SYTL2: variants seen among roughly 807,000 people sequenced by gnomAD.
SYTL2 encodes the protein synaptotagmin-like protein 2.
A neutral mutation model predicts 198.7 loss-of-function variants in SYTL2; 165 were observed. The ratio of observed to expected loss-of-function variants is 0.83; its 90% CI spans 0.73 to 0.94. The LOEUF is 0.94. Among genes scored for constraint, SYTL2 ranks in the 40% least tolerant of loss-of-function variants. SYTL2 has a pLI of 0.00. For missense variants in SYTL2, 2,835 were observed against 2,582.8 expected (o/e 1.10, Z -2.12); for synonymous variants, 966 against 917.7 (o/e 1.05, Z -0.95).
At position 85,695,035 on chromosome 11, in the gene SYTL2, G is replaced by C; in HGVS notation, c.*160C>G. ...GTTATATTTAAATCCCTTGGGCCTT[G>C]TAATCAAAGAAGCACATGCAGATTG... On this transcript the variant is annotated 3_prime_UTR_variant, in exon 20 of 20. Transcript: ENST00000359152. 1.7e-6 allele frequency: 1 copy of C among 580,884 alleles called. No homozygotes were observed. Among genetic ancestry groups the C allele is most frequent in the African/African-American group, 1.9e-5 (1 of 53,682 alleles). The allele number at this position is 580,884 out of a possible 1,614,324, so 36.0% of individuals were successfully genotyped here.
the SYTL2 span, among the ~76,000 whole-genome samples, chr11:85,847,128 A>C: frequency 6.6e-6 from 1 of 152,338 alleles, no homozygotes; most frequent in Admixed American, 6.5e-5. Flanking sequence ...GGTTTTAACA[A>C]ATCTATACAC....
chr11:85,817,902 C>CTTTTTTTTTTTTT, the SYTL2 span, among the ~76,000 whole-genome samples: 1 of 109,912 alleles, frequency 9.1e-6, no homozygotes, highest in East Asian at 2.6e-4. Context: ...TGTGTCTTTT[C>CTTTTTTTTTTTTT]TTTTTTTTTT....
chr11:85,823,729 C>G, the SYTL2 span, among the ~76,000 whole-genome samples: 1 of 152,112 alleles, frequency 6.6e-6, no homozygotes, highest in Non-Finnish European at 1.5e-5. Flanking sequence ...ACCACAAGAC[C>G]TTTTATACTT....
upstream of SYTL2, among the ~76,000 whole-genome samples, chr11:85,814,774 C>G (rs943682584): frequency 6.6e-6 from 1 of 152,170 alleles, no homozygotes; most frequent in Non-Finnish European, 1.5e-5. Flanking sequence ...GTAGCATAAG[C>G]TAGGTGTGGT....
At position 85,780,694 on chromosome 11, in the gene SYTL2, T is replaced by C. The variant is rs539465289; in HGVS notation, c.-389-22580A>G. Among the ~76,000 whole-genome samples the C allele has an allele frequency of 2.0e-5, 3 of 152,356 alleles. 1 individual carries two copies. In the South Asian group the frequency reaches 6.2e-4, roughly 32 times the overall value. ...TCCATATCCTTTGCAATATCCTTTA[T>C]AATAAACTGGTAAATACAAGTAAAG... On this transcript the variant is annotated intron_variant, in intron 1 of 19. Transcript: ENST00000359152.
At chr11:85,805,749 C>T (rs1311400077) in intron 1 of SYTL2, among the ~76,000 whole-genome samples, 1 of 152,232 alleles carries the variant, frequency 6.6e-6, no homozygotes, top group African/African-American at 2.4e-5. Context: ...CAGAAATCAA[C>T]TGATACCTTT....
intron 2 of SYTL2, among the ~76,000 whole-genome samples, chr11:85,749,018 A>G (rs923564699): frequency 6.6e-6 from 1 of 152,156 alleles, no homozygotes; most frequent in Non-Finnish European, 1.5e-5. Flanking sequence ...AGGGAAAGGC[A>G]TCTTTAAAAG....
At chr11:85,764,180 T>A (rs946467210) in intron 1 of SYTL2, among the ~76,000 whole-genome samples, 1 of 152,208 alleles carries the variant, frequency 6.6e-6, no homozygotes, top group African/African-American at 2.4e-5. Context: ...ACAAAAAAGA[T>A]GTCATGCTCT....
the SYTL2 span, among the ~76,000 whole-genome samples, chr11:85,851,384 G>A: frequency 7.2e-5 from 11 of 152,130 alleles, no homozygotes; most frequent in African/African-American, 9.7e-5. Context: ...TTCCTAGTTC[G>A]GGTCTTTACA....
the SYTL2 span, among the ~76,000 whole-genome samples, chr11:85,826,540 G>A: frequency 8.5e-5 from 13 of 152,336 alleles, no homozygotes; most frequent in East Asian, 2.3e-3. Context: ...TCAAGTCCAG[G>A]GGAGTCAGGT....
At chr11:85,807,708 T>G (rs1337586994) in intron 1 of SYTL2, among the ~76,000 whole-genome samples, 2 of 152,186 alleles carry the variant, frequency 1.3e-5, no homozygotes. Context: ...CTACCTTTTC[T>G]GTTATATTTG....
the SYTL2 span, among the ~76,000 whole-genome samples, chr11:85,823,075 C>T: frequency 6.6e-6 from 1 of 152,242 alleles, no homozygotes; most frequent in East Asian, 1.9e-4. Flanking sequence ...TCCCAGCCTC[C>T]TCCCTCTTGC....
chr11:85,696,127 C>G, intron 19 of SYTL2, 56 bp downstream of exon 19: 1 of 1,446,192 alleles, frequency 6.9e-7, no homozygotes, highest in Admixed American at 1.7e-5. Flanking sequence ...AAACAAACCT[C>G]TAGTATCTCT....
intron 3 of SYTL2, among the ~76,000 whole-genome samples, chr11:85,746,979 T>G (rs965656677): frequency 6.6e-6 from 1 of 152,152 alleles, no homozygotes; most frequent in African/African-American, 2.4e-5. Context: ...ACTGCAACAA[T>G]TAGAAATAAT....
the SYTL2 span, among the ~76,000 whole-genome samples, chr11:85,850,920 G>A: frequency 1.2e-4 from 18 of 147,576 alleles, no homozygotes; most frequent in South Asian, 4.4e-4. Context: ...GTAAACTATC[G>A]CAAGAACAAA....
chr11:85,705,858 T>C (rs2085053030), intron 15 of SYTL2, among the ~76,000 whole-genome samples: 1 of 152,182 alleles, frequency 6.6e-6, no homozygotes, highest in African/African-American at 2.4e-5. Context: ...GGGTATATCA[T>C]AGTCAAACTG....
In SYTL2 at chr11:85,718,963, G is replaced by A. The variant is rs1368066464; in HGVS notation, c.5429-120C>T. ...AATTAGTCAAGATGCAATGAGGGGTGCAACCAAGATGTCTTCCCCAAAATA... is the reference window on the plus strand; with the variant it reads ...AATTAGTCAAGATGCAATGAGGGGTACAACCAAGATGTCTTCCCCAAAATA... On this transcript the variant is annotated intron_variant, in intron 9 of 19. Coordinates refer to ENST00000359152, the MANE Select transcript of SYTL2 (RefSeq NM_206927.4). The A allele has an allele frequency of 3.9e-6, 6 of 1,541,490 alleles. No individual in the cohort carries two copies. The South Asian group carries it at 4.8e-5, about 12-fold the overall frequency.
chr11:85,844,229 A>G, the SYTL2 span, among the ~76,000 whole-genome samples: 1 of 152,206 alleles, frequency 6.6e-6, no homozygotes, highest in South Asian at 2.1e-4. Context: ...ATTTACATAG[A>G]ATAAGAAAGT....
chr11:85,816,767 A>T, the SYTL2 span, among the ~76,000 whole-genome samples: 1 of 152,156 alleles, frequency 6.6e-6, no homozygotes, highest in African/African-American at 2.4e-5. Context: ...AATAAAAAAT[A>T]GCTGGACGTG....
Sources: gnomAD v4.1 joint callset for allele counts (sites outside exome capture counted in the v4.1 genomes callset) on GRCh38, gnomAD v4.1.1 for gene constraint, MANE v1.5 for transcripts, NCBI Gene and HGNC (gene_info 2026-07-23, HGNC 2026-07-21) for gene names.